RBMS3: variants seen among roughly 807,000 people sequenced by gnomAD.
The protein encoded by RBMS3 is RNA binding motif single stranded interacting protein 3.
A neutral mutation model predicts 66.8 loss-of-function variants in RBMS3; 27 were observed. The ratio of observed to expected loss-of-function variants is 0.40; its 90% CI spans 0.30 to 0.56. The LOEUF is 0.56. RBMS3 is among the 20% of genes least tolerant of loss of function. RBMS3 has a pLI of 0.40. For missense variants in RBMS3, 513 were observed against 549.5 expected, an observed-to-expected ratio of 0.93 and a Z score of 0.66; for synonymous variants, 188 against 183.0, an observed-to-expected ratio of 1.03 and a Z score of -0.22.
chr3:29,883,355 G>A (rs1490777113), intron 7 of RBMS3, among the ~76,000 whole-genome samples: 1 of 152,032 alleles, frequency 6.6e-6, no homozygotes, highest in Non-Finnish European at 1.5e-5. Flanking sequence ...ACCTTTCCAA[G>A]CTTCAGTGTC....
At position 29,627,516 on chromosome 3, in the gene RBMS3, C is replaced by T. The variant is rs1205872222; in HGVS notation, c.399+40311C>T. 2.6e-5 allele frequency among the ~76,000 whole-genome samples: 4 copies of T among 152,050 alleles called. No homozygotes were observed. The East Asian group carries it at 7.7e-4, about 29-fold the overall frequency. ...ATGTCCTAGGAGGCAAAATTGTCCC[C>T]AGTTGAGAACCACTACTCTAAAGCA... On this transcript the variant is annotated intron_variant, in intron 4 of 14. Transcript: ENST00000383767.
At chr3:29,388,002 T>A (rs891545008) in intron 1 of RBMS3, among the ~76,000 whole-genome samples, 3 of 152,100 alleles carry the variant, frequency 2.0e-5, no homozygotes, top group African/African-American at 7.2e-5. Flanking sequence ...CATTTATCTG[T>A]TTGGTTTATT....
chr3:29,773,244 C>CCCTA (rs1470694641), intron 6 of RBMS3, among the ~76,000 whole-genome samples: 6 of 151,898 alleles, frequency 4.0e-5, no homozygotes, highest in African/African-American at 1.5e-4. Context: ...GCTCTAAATG[C>CCCTA]CCTAAATCTT....
At chr3:29,913,403 C>T (rs867290247) in intron 10 of RBMS3, among the ~76,000 whole-genome samples, 16 of 151,992 alleles carry the variant, frequency 1.1e-4, no homozygotes, top group South Asian at 6.2e-4. Flanking sequence ...GTTCAGTTGG[C>T]GTCACACTGT....
chr3:29,891,350 C>A (rs1446945086), intron 8 of RBMS3, among the ~76,000 whole-genome samples: 1 of 151,562 alleles, frequency 6.6e-6, no homozygotes, highest in Non-Finnish European at 1.5e-5. Context: ...AAAATTAGAT[C>A]AATATCACTT....
chr3:29,861,025 G>T (rs571860723), intron 6 of RBMS3, among the ~76,000 whole-genome samples: 97 of 152,086 alleles, frequency 6.4e-4, no homozygotes, highest in African/African-American at 2.1e-3. Flanking sequence ...CACCACGCCC[G>T]GCTAATTTTT....
intron 2 of RBMS3, among the ~76,000 whole-genome samples, chr3:29,450,011 A>G (rs1157237057): frequency 4.6e-5 from 7 of 152,122 alleles, no homozygotes; most frequent in South Asian, 2.1e-4. Context: ...TGTTATTTCA[A>G]TTGAGAGTTT....
intron 2 of RBMS3, among the ~76,000 whole-genome samples, chr3:29,474,052 C>T (rs766762689): frequency 6.6e-6 from 1 of 152,264 alleles, no homozygotes; most frequent in Non-Finnish European, 1.5e-5. Flanking sequence ...GCTGCCAGCA[C>T]GCTGTCACCT....
At chr3:29,564,225 C>G (rs2046659920) in intron 3 of RBMS3, among the ~76,000 whole-genome samples, 1 of 151,768 alleles carries the variant, frequency 6.6e-6, no homozygotes, top group Non-Finnish European at 1.5e-5. Flanking sequence ...GCCTGTAATC[C>G]CAGCACTTTG....
chr3:29,605,344 A>G (rs1169681641), intron 4 of RBMS3, among the ~76,000 whole-genome samples: 1 of 151,948 alleles, frequency 6.6e-6, no homozygotes, highest in Non-Finnish European at 1.5e-5. Context: ...GCAATTCCTC[A>G]TGAAATGTTG....
intron 4 of RBMS3, among the ~76,000 whole-genome samples, chr3:29,634,874 C>T (rs1020220442): frequency 6.6e-6 from 1 of 151,832 alleles, no homozygotes; most frequent in Non-Finnish European, 1.5e-5. Flanking sequence ...ACTGGCCTAT[C>T]GAGCCCCATC....
intron 1 of RBMS3, among the ~76,000 whole-genome samples, chr3:29,415,379 A>G (rs2040439213): frequency 6.6e-6 from 1 of 152,202 alleles, no homozygotes; most frequent in South Asian, 2.1e-4. Flanking sequence ...AAGACAGTAA[A>G]TTTATGAACA....
intron 4 of RBMS3, among the ~76,000 whole-genome samples, chr3:29,695,974 G>A (rs2052254255): frequency 6.6e-6 from 1 of 152,142 alleles, no homozygotes; most frequent in South Asian, 2.1e-4. Flanking sequence ...AAGGCCAGGG[G>A]GGTCACTAAA....
intron 4 of RBMS3, among the ~76,000 whole-genome samples, chr3:29,655,395 G>A (rs78901552): frequency 0.02 from 3,074 of 152,292 alleles, 42 homozygotes; most frequent in Admixed American, 0.029. Flanking sequence ...ATTTGTTTGC[G>A]TGATACTTTA....
At chr3:29,603,426 A>G (rs1292916892) in intron 4 of RBMS3, among the ~76,000 whole-genome samples, 6 of 151,966 alleles carry the variant, frequency 3.9e-5, no homozygotes, top group Admixed American at 3.3e-4. Context: ...TATCTGTGCA[A>G]TCTTTTAGAA....
intron 12 of RBMS3, among the ~76,000 whole-genome samples, chr3:29,965,130 T>A (rs1419864474): frequency 6.6e-6 from 1 of 152,206 alleles, no homozygotes; most frequent in Non-Finnish European, 1.5e-5. Context: ...TTGATGGGCA[T>A]TTGGGTTGGT....
rs1051775943 is a variant in RBMS3 at position 29,515,902 on chromosome 3, C to T, written c.307+27403C>T. On this transcript the variant is annotated intron_variant, in intron 3 of 14. Coordinates refer to ENST00000383767, the MANE Select transcript of RBMS3 (RefSeq NM_001003793.3). ...GTAACATGGTCGTGGGTTCTTAATA[C>T]CCAAATGATGTTGGAAATAGTAGTT... Among the ~76,000 whole-genome samples, 4 of 152,278 alleles carry T rather than the reference C, an allele frequency of 2.6e-5. No individual in the cohort carries two copies. The East Asian group carries it at 5.8e-4, about 22-fold the overall frequency.
chr3:29,464,755 G>T (rs943455609), intron 2 of RBMS3, among the ~76,000 whole-genome samples: 3 of 152,116 alleles, frequency 2.0e-5, no homozygotes, highest in Non-Finnish European at 4.4e-5. Context: ...TCTCTGGGAG[G>T]CCTTTCAGAC....
At chr3:29,995,926 TTAAATG>T in intron 14 of RBMS3, among the ~76,000 whole-genome samples, 1 of 152,006 alleles carries the variant, frequency 6.6e-6, no homozygotes, top group East Asian at 1.9e-4. Context: ...AATATTAACT[TTAAATG>T]TAAATGGACT....
Sources: gnomAD v4.1 joint callset for allele counts (sites outside exome capture counted in the v4.1 genomes callset) on GRCh38, gnomAD v4.1.1 for gene constraint, MANE v1.5 for transcripts, NCBI Gene and HGNC (gene_info 2026-07-23, HGNC 2026-07-21) for gene names.